Variants in ANKRA2 observed in about 807,000 individuals in gnomAD.
ANKRA2 encodes the protein ankyrin repeat family A protein 2.
In ANKRA2, 33 loss-of-function variants were observed where a neutral mutation model predicts 37.8. The ratio of observed to expected loss-of-function variants is 0.87; its 90% CI spans 0.66 to 1.17. The LOEUF is 1.17. Ranked by LOEUF, ANKRA2 falls within the 50% of genes most tolerant of loss-of-function variation. ANKRA2 has a pLI of 0.00. For missense variants in ANKRA2, 326 were observed against 373.7 expected (o/e 0.87, Z 1.05); for synonymous variants, 126 against 132.3 (o/e 0.95, Z 0.33).
intron 4 of ANKRA2, among the ~76,000 whole-genome samples, chr5:73,556,573 A>G (rs1441992287): frequency 6.6e-6 from 1 of 152,214 alleles, no homozygotes; most frequent in African/African-American, 2.4e-5. Context: ...TTGAAATGGG[A>G]AATCCTTTCT....
intron 2 of ANKRA2, 170 bp downstream of exon 2, chr5:73,562,423 A>G: frequency 1.8e-6 from 1 of 569,160 alleles, no homozygotes; most frequent in East Asian, 3.1e-5. Flanking sequence ...TAAATTAGAT[A>G]TTATATAATC....
intron 5 of ANKRA2, 99 bp downstream of exon 5, chr5:73,555,389 C>A: frequency 1.3e-6 from 2 of 1,513,380 alleles, no homozygotes; most frequent in Non-Finnish European, 1.8e-6. Flanking sequence ...TTTTTGGTAG[C>A]CTCTACCATT....
rs764631608 is a variant in ANKRA2, at chr5:73,554,333, T to C, written c.794A>G (p.Lys265Arg). ...AVHGNHVKCV[K>R]MLLESGADPT... ...TTTTATCTGCTTACCTAAGAGCATC[T>C]TTACACATTTCACATGATTTCCATG... Residue 265 changes from lysine to arginine, a missense_variant, in exon 7 of 9, where the codon AAG becomes AGG. Physicochemically the swap from Lys to Arg is conservative, Grantham distance 26. Transcript: ENST00000296785. The C allele has an allele frequency of 2.1e-5, 34 of 1,613,520 alleles. No homozygotes were observed. The South Asian group carries it at 3.6e-4, about 17-fold the overall frequency.
rs1312642924 is a variant in ANKRA2 at position 73,552,198 on chromosome 5, T to C, written c.*599A>G. On this transcript the variant is annotated 3_prime_UTR_variant, in exon 9 of 9. Transcript: ENST00000296785. ...CTAGAAATGACAATGTCTTTGTTGATTGACTTAGATTCAGTTTATTTTAAT... is the reference window on the plus strand; with the variant it reads ...CTAGAAATGACAATGTCTTTGTTGACTGACTTAGATTCAGTTTATTTTAAT... 6.6e-6 allele frequency: 1 copy of C among 152,278 alleles called. No homozygotes were observed. Among genetic ancestry groups the C allele is most frequent in the African/African-American group, 2.4e-5 (1 of 41,470 alleles). 9.4% of individuals were successfully genotyped at this position (152,278 alleles called of 1,614,324 possible).
chr5:73,561,999 AG>A (rs986472505), intron 2 of ANKRA2, among the ~76,000 whole-genome samples: 14 of 152,026 alleles, frequency 9.2e-5, no homozygotes, highest in African/African-American at 3.1e-4. Flanking sequence ...CATCTCTAAA[AG>A]GAACATGATT....
At position 73,553,450 on chromosome 5, in the gene ANKRA2, CCA is replaced by C; in HGVS notation, c.840_841del (p.Gly281IlefsTer2). 1.2e-6 allele frequency: 2 copies of C among 1,613,476 alleles called. No individual in the cohort carries two copies. The highest frequency in any genetic ancestry group is 1.1e-5 in the South Asian group (1 of 91,052). ...TACAGCTAGATCCATAGAATTATAT[CCA>C]GAGTCAGTTTCAATTGTTGGATCAG... On this transcript the variant is annotated frameshift_variant, in exon 8 of 9. Transcript: ENST00000296785. LOFTEE classifies it high-confidence loss of function.
chr5:73,564,892 G>A lies in ANKRA2; in HGVS notation c.-105+240C>T, dbSNP rs185766561. On this transcript the variant is annotated intron_variant, in intron 1 of 8. Coordinates refer to ENST00000296785, the MANE Select transcript of ANKRA2 (RefSeq NM_023039.5). ...CAGGAGAGGGAGGCGGGGGTGAGGG[G>A]AGTGGGGTAACAGGACTTAGAAGAG... is the stretch of plus-strand genomic sequence containing the variant. 7.5e-3 allele frequency among the ~76,000 whole-genome samples: 1,116 copies of A among 149,186 alleles called. 28 individuals carry two copies. The highest frequency in any genetic ancestry group is 0.065 in the Admixed American group (983 of 15,130).
Position 73,554,332 on chromosome 5 carries a change from C to G in ANKRA2, c.795G>C (p.Lys265Asn). ...TTTTTATCTGCTTACCTAAGAGCAT[C>G]TTTACACATTTCACATGATTTCCAT... is the stretch of plus-strand genomic sequence containing the variant. ...AVHGNHVKCV[K>N]MLLESGADPT... is the part of the protein sequence containing the mutation. The change falls in exon 7 of 9, where the codon AAG becomes AAC. Residue 265 changes from lysine to asparagine, a missense_variant. Lys to Asn is a moderately conservative substitution (Grantham distance 94, BLOSUM62 0). Transcript: ENST00000296785. 1 of 1,613,558 alleles carries G rather than the reference C, an allele frequency of 6.2e-7. No homozygotes were observed. The highest frequency in any genetic ancestry group is 1.1e-5 in the South Asian group (1 of 90,996).
At chr5:73,558,902 A>G (rs1463086973) in intron 3 of ANKRA2, among the ~76,000 whole-genome samples, 1 of 152,170 alleles carries the variant, frequency 6.6e-6, no homozygotes, top group African/African-American at 2.4e-5. Flanking sequence ...AAGTTTAAAC[A>G]TTTTTGTCTG....
At chr5:73,553,751 G>T (rs1273736431) in intron 7 of ANKRA2, among the ~76,000 whole-genome samples, 1 of 151,484 alleles carries the variant, frequency 6.6e-6, no homozygotes, top group African/African-American at 2.4e-5. Context: ...ACTGTAGAAA[G>T]AGTACAATAG....
Position 73,565,485 on chromosome 5 carries a change from C to T in ANKRA2, c.-458G>A, listed in dbSNP as rs1747708850. 2 of 256,824 alleles carry T rather than the reference C, an allele frequency of 7.8e-6. No homozygotes were observed. The highest frequency in any genetic ancestry group is 7.8e-6 in the Non-Finnish European group (1 of 127,464). 15.9% of individuals were successfully genotyped at this position (256,824 alleles called of 1,614,324 possible). ...TAAAAAACGTTCCGCAGCAATGCAG[C>T]TGAAACTTTCGGGTTTTCTTTTTTT... On this transcript the variant is annotated 5_prime_UTR_variant, in exon 1 of 9. Transcript: ENST00000296785.
At chr5:73,562,039 CAG>C (rs1747570814) in intron 2 of ANKRA2, among the ~76,000 whole-genome samples, 2 of 151,944 alleles carry the variant, frequency 1.3e-5, no homozygotes, top group Admixed American at 6.6e-5. Context: ...TTTTTTGAGA[CAG>C]AGTCTCACTC....
chr5:73,559,937 T>G (rs570938351), intron 3 of ANKRA2, among the ~76,000 whole-genome samples: 1 of 152,104 alleles, frequency 6.6e-6, no homozygotes, highest in African/African-American at 2.4e-5. Context: ...TAAAAAAAAT[T>G]TTTTTTGGTA....
At chr5:73,559,249 T>C (rs893934905) in intron 3 of ANKRA2, among the ~76,000 whole-genome samples, 1 of 152,218 alleles carries the variant, frequency 6.6e-6, no homozygotes, top group African/African-American at 2.4e-5. Context: ...AAAAAACAGA[T>C]TTTGTCATGC....
At chr5:73,560,606 G>C (rs375233594) in intron 3 of ANKRA2, among the ~76,000 whole-genome samples, 5 of 151,998 alleles carry the variant, frequency 3.3e-5, no homozygotes, top group African/African-American at 7.2e-5. Context: ...GGCCAGTCTC[G>C]AATTCCTGAG....
chr5:73,560,202 T>C (rs980615678), intron 3 of ANKRA2, among the ~76,000 whole-genome samples: 1 of 152,212 alleles, frequency 6.6e-6, no homozygotes. Context: ...TAATTGTGTA[T>C]ATCTATGGAG....
In ANKRA2 at chr5:73,561,305, T is replaced by C. The variant is rs775257521; in HGVS notation, c.290-17A>G. ...TGCATTCAGCTAAGTGAAAAACAAA[T>C]GTAAACACATTAAAAGCATTTCAGT... On this transcript the variant is annotated splice_polypyrimidine_tract_variant and intron_variant, in intron 2 of 8. Transcript: ENST00000296785. The C allele has an allele frequency of 1.9e-6, 3 of 1,604,878 alleles. No homozygotes were observed. Among genetic ancestry groups the C allele is most frequent in the Non-Finnish European group, 2.6e-6 (3 of 1,173,634 alleles).
At chr5:73,561,408 G>A in intron 2 of ANKRA2, 120 bp from the exon 3 acceptor site, 1 of 941,774 alleles carries the variant, frequency 1.1e-6, no homozygotes, top group Non-Finnish European at 1.6e-6. Flanking sequence ...TTTATCAAGT[G>A]ATACTAAATT....
chr5:73,564,978 G>A (rs1747685137), intron 1 of ANKRA2, among the ~76,000 whole-genome samples, 154 bp downstream of exon 1: 2 of 152,168 alleles, frequency 1.3e-5, no homozygotes, highest in Admixed American at 1.3e-4. Context: ...ATCTGTCAGA[G>A]CCCAGGGATG....
Sources: gnomAD v4.1 joint callset for allele counts (sites outside exome capture counted in the v4.1 genomes callset) on GRCh38, gnomAD v4.1.1 for gene constraint, MANE v1.5 for transcripts, NCBI Gene and HGNC (gene_info 2026-07-23, HGNC 2026-07-21) for gene names.